The following FIGN variants were observed in gnomAD, a reference collection of about 807,000 sequenced individuals.
FIGN encodes the protein fidgetin.
Under a neutral mutation model 51.3 loss-of-function variants are expected in FIGN, and 11 were observed. The observed-to-expected ratio is 0.21, with a 90% CI of 0.13 to 0.35. FIGN has a LOEUF of 0.35. FIGN is among the 10% of genes least tolerant of loss of function. The pLI is 1.00. For missense variants in FIGN, 857 were observed against 943.6 expected (o/e 0.91, Z 1.20); for synonymous variants, 407 against 363.2 (o/e 1.12, Z -1.37).
chr2:163,638,614 T>C (rs534016650), intron 2 of FIGN, among the ~76,000 whole-genome samples: 1 of 152,314 alleles, frequency 6.6e-6, no homozygotes, highest in East Asian at 1.9e-4. Flanking sequence ...TCCATTTGTT[T>C]GGAAGATGAA....
chr2:163,645,832 A>G (rs1683373487), intron 2 of FIGN, among the ~76,000 whole-genome samples: 1 of 152,166 alleles, frequency 6.6e-6, no homozygotes, highest in Non-Finnish European at 1.5e-5. Context: ...GAAAGTATAT[A>G]CTGGTCATTT....
At position 163,643,932 on chromosome 2, in the gene FIGN, C is replaced by CAAAAAAAAAAAAAAAAAAAAAAAAAAAAA. The variant is rs1162234909; in HGVS notation, c.26-32127_26-32126insTTTTTTTTTTTTTTTTTTTTTTTTTTTTT. On this transcript the variant is annotated intron_variant, in intron 2 of 2. Transcript: ENST00000333129. ...GGGCAACAAGAGCGAAACTCTGTCT[C>CAAAAAAAAAAAAAAAAAAAAAAAAAAAAA]AAAAAAAAAAAAAAAAAAAAAAAAA... Among the ~76,000 whole-genome samples, 2 of 19,070 alleles carry CAAAAAAAAAAAAAAAAAAAAAAAAAAAAA rather than the reference C, an allele frequency of 1.0e-4. 1 individual carries two copies. The highest frequency in any genetic ancestry group is 1.9e-4 in the Non-Finnish European group (2 of 10,436). 12.5% of individuals were successfully genotyped at this position (19,070 alleles called of 152,430 possible).
At chr2:163,689,420 A>G (rs981223529) in intron 2 of FIGN, among the ~76,000 whole-genome samples, 1 of 152,122 alleles carries the variant, frequency 6.6e-6, no homozygotes, top group Non-Finnish European at 1.5e-5. Context: ...TCAATATTTT[A>G]TCTATACCTA....
chr2:163,713,909 A>T (rs1275161015), intron 2 of FIGN, among the ~76,000 whole-genome samples: 1 of 152,194 alleles, frequency 6.6e-6, no homozygotes, highest in Non-Finnish European at 1.5e-5. Context: ...AGCTGATTAG[A>T]TTGTGCCATG....
rs184401896 is a variant in FIGN, at chr2:163,718,783, G to A, written c.25+16120C>T. ...AAGCAAGAGAGAGATTGTATGTTTCGAGTGCCTAAGTATATTGATATAATA... is the reference window on the plus strand; with the variant it reads ...AAGCAAGAGAGAGATTGTATGTTTCAAGTGCCTAAGTATATTGATATAATA... On this transcript the variant is annotated intron_variant, in intron 2 of 2. Transcript: ENST00000333129. Among the ~76,000 whole-genome samples the A allele has an allele frequency of 6.6e-5, 10 of 152,002 alleles. No homozygotes were observed. The East Asian group carries it at 1.2e-3, about 18-fold the overall frequency.
At chr2:163,690,285 G>A (rs1346045871) in intron 2 of FIGN, among the ~76,000 whole-genome samples, 2 of 152,078 alleles carry the variant, frequency 1.3e-5, no homozygotes, top group African/African-American at 4.8e-5. Flanking sequence ...CTCAGGAATG[G>A]ACATAATTGT....
intron 2 of FIGN, among the ~76,000 whole-genome samples, chr2:163,689,121 C>T (rs1295947887): frequency 1.3e-5 from 2 of 151,196 alleles, no homozygotes; most frequent in African/African-American, 4.9e-5. Flanking sequence ...GATTGTACCA[C>T]TGCACTCCAG....
At chr2:163,659,876 G>A (rs1477636946) in intron 2 of FIGN, among the ~76,000 whole-genome samples, 1 of 152,072 alleles carries the variant, frequency 6.6e-6, no homozygotes, top group Non-Finnish European at 1.5e-5. Context: ...GCTGAGTCCA[G>A]AGGATCACTT....
At chr2:163,612,040 T>G (rs1691275615) in intron 2 of FIGN, among the ~76,000 whole-genome samples, 1 of 152,252 alleles carries the variant, frequency 6.6e-6, no homozygotes, top group South Asian at 2.1e-4. Flanking sequence ...AACTCTGTAG[T>G]TACCTATATT....
At chr2:163,682,222 G>A (rs1287477591) in intron 2 of FIGN, among the ~76,000 whole-genome samples, 1 of 152,204 alleles carries the variant, frequency 6.6e-6, no homozygotes, top group African/African-American at 2.4e-5. Flanking sequence ...AAAGGAATTT[G>A]AGGATATAAA....
chr2:163,698,403 G>A (rs1684356428), intron 2 of FIGN, among the ~76,000 whole-genome samples: 1 of 151,876 alleles, frequency 6.6e-6, no homozygotes, highest in African/African-American at 2.4e-5. Context: ...CCCCCTCCCT[G>A]GCGCCACTCC....
intron 2 of FIGN, among the ~76,000 whole-genome samples, chr2:163,720,368 A>G (rs528155461): frequency 1.3e-5 from 2 of 152,310 alleles, no homozygotes; most frequent in South Asian, 4.1e-4. Context: ...CCGACCACTG[A>G]ATGAAAACAA....
rs1691018989 is a variant in FIGN at position 163,603,482 on chromosome 2, GA to G, written c.*6069del. 2 of 151,954 alleles carry G rather than the reference GA, an allele frequency of 1.3e-5. No homozygotes were observed. The highest frequency in any genetic ancestry group is 4.1e-4 in the South Asian group (2 of 4,828). 9.4% of individuals were successfully genotyped at this position (151,954 alleles called of 1,614,324 possible). A position where few individuals can be genotyped will look rare whatever the true frequency, so the allele number is the denominator to read the frequency against. On this transcript the variant is annotated 3_prime_UTR_variant, in exon 3 of 3. Coordinates refer to ENST00000333129, the MANE Select transcript of FIGN (RefSeq NM_018086.4). ...TCAGACAAGTACTGTTGGCTGACAA[GA>G]AATATGGCATTCCTCACCTAATACA...
chr2:163,721,088 C>T (rs907043634), intron 2 of FIGN, among the ~76,000 whole-genome samples: 1 of 152,086 alleles, frequency 6.6e-6, no homozygotes, highest in African/African-American at 2.4e-5. Context: ...TACTTTGTGG[C>T]CACCAACTTA....
chr2:163,622,703 AGGCT>A (rs965063087), intron 2 of FIGN, among the ~76,000 whole-genome samples: 5 of 152,088 alleles, frequency 3.3e-5, no homozygotes, highest in African/African-American at 1.2e-4. Context: ...CTGGGACTAC[AGGCT>A]CACGCTACCA....
chr2:163,697,730 G>C (rs1395982635), intron 2 of FIGN, among the ~76,000 whole-genome samples: 1 of 152,104 alleles, frequency 6.6e-6, no homozygotes, highest in Non-Finnish European at 1.5e-5. Context: ...CCATATGCAA[G>C]TAATTTTCTC....
intron 2 of FIGN, among the ~76,000 whole-genome samples, chr2:163,672,763 A>T (rs1027226644): frequency 3.9e-5 from 6 of 152,218 alleles, no homozygotes; most frequent in Admixed American, 2.0e-4. Flanking sequence ...TCATAGAGTC[A>T]TATGTATATT....
intron 2 of FIGN, among the ~76,000 whole-genome samples, chr2:163,659,240 G>T (rs1055706846): frequency 6.6e-6 from 1 of 152,076 alleles, no homozygotes; most frequent in African/African-American, 2.4e-5. Flanking sequence ...AGTGCAAACC[G>T]AGAAGAAATA....
intron 2 of FIGN, among the ~76,000 whole-genome samples, chr2:163,713,542 T>C (rs1301377659): frequency 6.6e-6 from 1 of 152,180 alleles, no homozygotes; most frequent in Admixed American, 6.5e-5. Context: ...CATTTACTAC[T>C]GCATGTAAAC....
Sources: allele counts gnomAD v4.1 joint callset (sites outside exome capture counted in the v4.1 genomes callset), GRCh38; gene constraint gnomAD v4.1.1; transcripts MANE v1.5; gene names NCBI Gene and HGNC (gene_info 2026-07-23, HGNC 2026-07-21).